Variants in DAXX observed in about 807,000 individuals in gnomAD.
DAXX encodes death domain associated protein.
In DAXX, 24 loss-of-function variants were observed where a neutral mutation model predicts 61.9. The observed-to-expected ratio is 0.39, with a 90% CI of 0.28 to 0.55. The LOEUF is 0.55. Ranked by LOEUF, DAXX falls within the 20% of genes least tolerant of loss-of-function variation. The pLI is 0.69. For synonymous variants in DAXX, 357 were observed against 369.5 expected (o/e 0.97, Z 0.39); for missense variants, 819 against 935.3 (o/e 0.88, Z 1.62).
Position 33,321,198 on chromosome 6 carries a change from G to T in DAXX, c.577C>A (p.Gln193Lys). The T allele has an allele frequency of 6.2e-7, 1 of 1,612,692 alleles. No individual in the cohort carries two copies. Among genetic ancestry groups the T allele is most frequent in the Non-Finnish European group, 8.5e-7 (1 of 1,178,662 alleles). Residue 193 changes from glutamine to lysine, a missense_variant, in exon 3 of 8, where the codon CAG (glutamine) becomes AAG (lysine). By Grantham distance (53) the Gln-to-Lys change is moderately conservative. Transcript: ENST00000374542. The surrounding 1 kb of genome is among the most constrained non-coding windows in gnomAD (Gnocchi z 7.2). The part of the protein sequence containing the change: ...GSRRQIQRLE[Q>K]LLALYVAEIR... ...TCTGCCACATAGAGCGCCAGCAGCTGCTCCAAACGCTGGATCTGCCGCCGG... is the reference window on the plus strand; with the variant it reads ...TCTGCCACATAGAGCGCCAGCAGCTTCTCCAAACGCTGGATCTGCCGCCGG...
rs371700406 is a variant in DAXX, at chr6:33,322,939, T to A, written c.-130A>T. ...TGGTTCCCTCCGCCTTCCTTCCCAC[T>A]CCCACCGCAGGCCCCACTACGGACC... On this transcript the variant is annotated 5_prime_UTR_variant, in exon 1 of 8. Transcript: ENST00000374542. 332 of 1,358,444 alleles carry A rather than the reference T, an allele frequency of 2.4e-4. No homozygotes were observed. The African/African-American group carries it at 4.6e-3, about 19-fold the overall frequency. The allele number at this position is 1,358,444 out of a possible 1,614,324, so 84.1% of individuals were successfully genotyped here. A position where few individuals can be genotyped will look rare whatever the true frequency, so the allele number is the denominator to read the frequency against.
At position 33,319,840 on chromosome 6, in the gene DAXX, T is replaced by G. The variant is rs1254229931; in HGVS notation, c.1480A>C (p.Lys494Gln). 1.2e-6 allele frequency: 2 copies of G among 1,608,018 alleles called. No individual in the cohort carries two copies. Among genetic ancestry groups the G allele is most frequent in the East Asian group, 2.2e-5 (1 of 44,808 alleles). Residue 494 changes from lysine to glutamine, a missense_variant, in exon 6 of 8, where the codon AAG (lysine) becomes CAG (glutamine). Physicochemically the swap from Lys to Gln is moderately conservative, Grantham distance 53 (BLOSUM62 1). Transcript: ENST00000374542. ...ATCTGTAGTGAGGACATGGGGCTCT[T>G]GTCTCCATCTTTACCTGGAAAAGAA... is the stretch of plus-strand genomic sequence containing the variant. ...EEAAAGKDGD[K>Q]SPMSSLQISN...
Position 33,320,033 on chromosome 6 carries a change from G to A in DAXX, c.1443C>T (p.Asp481=), listed in dbSNP as rs370615019. ...TACCTGCTGCTGCTTCTTCCTCTTC[G>A]TCCTCCTCTTCATCATCCTCCTGAC... The part of the protein sequence containing the change: ...QEGQEDDEEE[D]EEEEAAAGKD... Residue 481 remains aspartate, a synonymous_variant, in exon 5 of 8, where the codon GAC becomes GAT. Transcript: ENST00000374542. The surrounding 1 kb of genome is among the most constrained non-coding windows in gnomAD (Gnocchi z 7.1). 315 of 1,613,282 alleles carry A rather than the reference G, an allele frequency of 2.0e-4. 1 individual carries two copies. Among genetic ancestry groups the A allele is most frequent in the Non-Finnish European group, 2.4e-4 (286 of 1,179,634 alleles).
In DAXX at chr6:33,320,337, G is replaced by C. The variant is rs372317259; in HGVS notation, c.1251+43C>G. 1.3e-6 allele frequency: 2 copies of C among 1,495,108 alleles called. No individual in the cohort carries two copies. Among genetic ancestry groups the C allele is most frequent in the Non-Finnish European group, 1.9e-6 (2 of 1,071,304 alleles). 92.6% of individuals were successfully genotyped at this position (1,495,108 alleles called of 1,614,324 possible). A position where few individuals can be genotyped will look rare whatever the true frequency, so the allele number is the denominator to read the frequency against. ...CCTGGACTCCCTGGTGGCCAGTGCA[G>C]GGGAAGGACAATGTCTCTCTGAAGG... On this transcript the variant is annotated intron_variant, in intron 4 of 7. Transcript: ENST00000374542. The surrounding 1 kb of genome is among the most constrained non-coding windows in gnomAD (Gnocchi z 7.1).
Position 33,320,952 on chromosome 6 carries a change from T to A in DAXX, c.823A>T (p.Ile275Phe). The A allele has an allele frequency of 6.2e-7, 1 of 1,614,122 alleles. No individual in the cohort carries two copies. Among genetic ancestry groups the A allele is most frequent in the South Asian group, 1.1e-5 (1 of 91,088 alleles). The change falls in exon 3 of 8, where the codon ATC (isoleucine) becomes TTC (phenylalanine). Residue 275 changes from isoleucine to phenylalanine, a missense_variant. Ile to Phe is a conservative substitution (Grantham distance 21). Transcript: ENST00000374542. The surrounding 1 kb of genome is among the most constrained non-coding windows in gnomAD (Gnocchi z 7.1). The stretch of plus-strand genomic sequence containing the variant: ...AAGGTATCAGGCCCTGGCTTGTTGA[T>A]GAGCCGCTCAATGCGCCTGTTAACC... ...PEVNRRIERL[I>F]NKPGPDTFPD...
At position 33,321,695 on chromosome 6, in the gene DAXX, A is replaced by T; in HGVS notation, c.207+24T>A. The T allele has an allele frequency of 6.2e-7, 1 of 1,611,272 alleles. No homozygotes were observed. Among genetic ancestry groups the T allele is most frequent in the Non-Finnish European group, 8.5e-7 (1 of 1,178,714 alleles). ...CAGCCATCCCCCTCCCTGGGGTACA[A>T]CAATCTTCCCCGCTAAAGCTCACCT... On this transcript the variant is annotated intron_variant, in intron 2 of 7. Transcript: ENST00000374542. The surrounding 1 kb of genome is among the most constrained non-coding windows in gnomAD (Gnocchi z 7.2).
rs780997722 is a variant in DAXX at position 33,320,696 on chromosome 6, CATA to C, written c.1039+37_1039+39del. 9.9e-6 allele frequency: 16 copies of C among 1,609,006 alleles called. No homozygotes were observed. The Admixed American group carries it at 2.5e-4, about 25-fold the overall frequency. On this transcript the variant is annotated intron_variant, in intron 3 of 7. Coordinates refer to ENST00000374542, the MANE Select transcript of DAXX (RefSeq NM_001141969.2). The surrounding 1 kb of genome is among the most constrained non-coding windows in gnomAD (Gnocchi z 7.1). ...GATGCCCCATCCGCCTCATACCTGA[CATA>C]TAAGGGTCACTGAGAGGCATCCCAC...
In DAXX at chr6:33,321,462, A is replaced by C. The variant is rs2150997975; in HGVS notation, c.313T>G (p.Phe105Val). Residue 105 changes from phenylalanine (F) to valine (V), a missense_variant, in exon 3 of 8, where the codon TTC becomes GTC. Transcript: ENST00000374542. This position sits in a 1 kb window ranked among gnomAD's most constrained non-coding sequence, Gnocchi z 7.2. The part of the protein sequence containing the change: ...AHSLFLASAE[F>V]CNILSRVLSR... The stretch of plus-strand genomic sequence containing the variant: ...AGGACCCTAGAGAGGATGTTGCAGA[A>C]CTCCGCCGAGGCCAAAAACAGAGAG... 6.2e-7 allele frequency: 1 copy of C among 1,613,868 alleles called. No homozygotes were observed. Among genetic ancestry groups the C allele is most frequent in the Non-Finnish European group, 8.5e-7 (1 of 1,179,920 alleles).
In DAXX at chr6:33,320,665, T is replaced by A; in HGVS notation, c.1039+71A>T. 1.9e-6 allele frequency: 3 copies of A among 1,604,144 alleles called. No individual in the cohort carries two copies. Among genetic ancestry groups the A allele is most frequent in the Non-Finnish European group, 2.6e-6 (3 of 1,174,076 alleles). On this transcript the variant is annotated intron_variant, in intron 3 of 7. Transcript: ENST00000374542. This position sits in a 1 kb window ranked among gnomAD's most constrained non-coding sequence, Gnocchi z 7.1. ...GAAGAGTAAAAACCCTAGAAAGGAC[T>A]AGAGAGATGCCCCATCCGCCTCATA...
chr6:33,320,977 C>A lies in DAXX; in HGVS notation c.798G>T (p.Glu266Asp). Reference protein sequence around the residue: ...RIPYRGTRYPEVNRRIERLIN... With the variant: ...RIPYRGTRYPDVNRRIERLIN... ...TGAGCCGCTCAATGCGCCTGTTAAC[C>A]TCTGGGTAGCGGGTGCCACGGTAGG... The change falls in exon 3 of 8, where the codon GAG becomes GAT. Residue 266 changes from glutamate to aspartate, a missense_variant. By Grantham distance (45) the Glu-to-Asp change is conservative. Coordinates refer to ENST00000374542, the MANE Select transcript of DAXX (RefSeq NM_001141969.2). This position sits in a 1 kb window ranked among gnomAD's most constrained non-coding sequence, Gnocchi z 7.1. 2 of 1,614,036 alleles carry A rather than the reference C, an allele frequency of 1.2e-6. No individual in the cohort carries two copies. The highest frequency in any genetic ancestry group is 8.5e-7 in the Non-Finnish European group (1 of 1,179,898).
rs555196429 is a variant in DAXX at position 33,321,422 on chromosome 6, C to G, written c.353G>C (p.Ser118Thr). ...GTAGACATAGAGCTTGGCTGGCCGG[C>G]TCCGGGCCCGAGACAGGACCCTAGA... ...ILSRVLSRAR[S>T]RPAKLYVYIN... Residue 118 changes from serine (S) to threonine (T), a missense_variant, in exon 3 of 8, where the codon AGC (serine) becomes ACC (threonine). By Grantham distance (58) the Ser-to-Thr change is moderately conservative (BLOSUM62 1). Coordinates refer to ENST00000374542, the MANE Select transcript of DAXX (RefSeq NM_001141969.2). This position sits in a 1 kb window ranked among gnomAD's most constrained non-coding sequence, Gnocchi z 7.2. 4.3e-6 allele frequency: 7 copies of G among 1,613,974 alleles called. No homozygotes were observed. The African/African-American group carries it at 9.3e-5, about 22-fold the overall frequency.
rs781591259 is a variant in DAXX, at chr6:33,319,498, C to T, written c.1822G>A (p.Val608Ile). The change falls in exon 6 of 8, where the codon GTC (valine) becomes ATC (isoleucine). Residue 608 changes from valine (V) to isoleucine (I), a missense_variant. Coordinates refer to ENST00000374542, the MANE Select transcript of DAXX (RefSeq NM_001141969.2). The stretch of plus-strand genomic sequence containing the variant: ...CCTCCATTGAAGGAAGTAGAAGAGA[C>T]CATGCCTGCTCCATTCTCTAAGACA... ...TTVLENGAGMVSSTSFNGGVS... is the reference protein window; with the variant it reads ...TTVLENGAGMISSTSFNGGVS... 1.2e-6 allele frequency: 2 copies of T among 1,614,086 alleles called. No individual in the cohort carries two copies. The highest frequency in any genetic ancestry group is 1.7e-6 in the Non-Finnish European group (2 of 1,179,998).
In DAXX at chr6:33,322,911, G is replaced by A. The variant is rs898323977; in HGVS notation, c.-102C>T. ...CCCTCGCCGCAATTCTCAGAACCTC[G>A]CATGGTTCCCTCCGCCTTCCTTCCC... On this transcript the variant is annotated 5_prime_UTR_variant, in exon 1 of 8. It introduces an in-frame stop codon into an upstream open reading frame of the 5' UTR. Transcript: ENST00000374542. The A allele has an allele frequency of 5.6e-6, 8 of 1,427,226 alleles. No individual in the cohort carries two copies. Among genetic ancestry groups the A allele is most frequent in the East Asian group, 3.1e-5 (1 of 32,414 alleles). The allele number at this position is 1,427,226 out of a possible 1,614,324, so 88.4% of individuals were successfully genotyped here.
At position 33,320,235 on chromosome 6, in the gene DAXX, A is replaced by C; in HGVS notation, c.1252-11T>G. On this transcript the variant is annotated splice_polypyrimidine_tract_variant and intron_variant, in intron 4 of 7. Transcript: ENST00000374542. This position sits in a 1 kb window ranked among gnomAD's most constrained non-coding sequence, Gnocchi z 7.1. Reference sequence around the variant, plus strand: ...CATTCCACTAGGGCCCTGGGAGACAAAGAAGTTTCTCTAAGGAATCCCTTG... The same window carrying C: ...CATTCCACTAGGGCCCTGGGAGACACAGAAGTTTCTCTAAGGAATCCCTTG... 6.3e-7 allele frequency: 1 copy of C among 1,596,234 alleles called. No homozygotes were observed. The highest frequency in any genetic ancestry group is 8.6e-7 in the Non-Finnish European group (1 of 1,163,960).
In DAXX at chr6:33,320,237, GAA is replaced by G. The variant is rs968038313; in HGVS notation, c.1252-15_1252-14del. 6.9e-6 allele frequency: 11 copies of G among 1,593,142 alleles called. No individual in the cohort carries two copies. In the Admixed American group the frequency reaches 1.2e-4, roughly 17 times the overall value. On this transcript the variant is annotated splice_polypyrimidine_tract_variant and intron_variant, in intron 4 of 7. Coordinates refer to ENST00000374542, the MANE Select transcript of DAXX (RefSeq NM_001141969.2). This position sits in a 1 kb window ranked among gnomAD's most constrained non-coding sequence, Gnocchi z 7.1. ...TTCCACTAGGGCCCTGGGAGACAAA[GAA>G]GTTTCTCTAAGGAATCCCTTGCCCC...
Position 33,320,811 on chromosome 6 carries a change from T to C in DAXX, c.964A>G (p.Ile322Val). The C allele has an allele frequency of 9.9e-6, 16 of 1,614,194 alleles. No homozygotes were observed. The highest frequency in any genetic ancestry group is 1.4e-5 in the Non-Finnish European group (16 of 1,180,036). ...AGGTGACGTCGCTCCTGTAACCTGA[T>C]GCCCACATCTCGGAAGGCATCCTGA... ...MAQDAFRDVG[I>V]RLQERRHLDL... is the part of the protein sequence containing the mutation. The change falls in exon 3 of 8, where the codon ATC becomes GTC. Residue 322 changes from isoleucine to valine, a missense_variant. Ile to Val is a conservative substitution (Grantham distance 29). Transcript: ENST00000374542. The surrounding 1 kb of genome is among the most constrained non-coding windows in gnomAD (Gnocchi z 7.1).
At chr6:33,319,256 G>A (rs1770215088) in intron 6 of DAXX, 37 bp from the exon 7 acceptor site, 2 of 1,570,996 alleles carry the variant, frequency 1.3e-6, no homozygotes, top group African/African-American at 1.3e-5. Context: ...AGGGGTACGG[G>A]AAGACTGAGG....
In DAXX at chr6:33,321,987, G is replaced by C; in HGVS notation, c.-52-10C>G. 6.4e-7 allele frequency: 1 copy of C among 1,552,240 alleles called. No individual in the cohort carries two copies. Among genetic ancestry groups the C allele is most frequent in the Non-Finnish European group, 8.7e-7 (1 of 1,150,814 alleles). ...GATTTCAGAATTCCTGCTGGAAGGG[G>C]ATGGGGCCTCAGAATGAGCCCCTCC... On this transcript the variant is annotated splice_polypyrimidine_tract_variant and intron_variant, in intron 1 of 7. Coordinates refer to ENST00000374542, the MANE Select transcript of DAXX (RefSeq NM_001141969.2). The surrounding 1 kb of genome is among the most constrained non-coding windows in gnomAD (Gnocchi z 7.2).
At position 33,322,866 on chromosome 6, in the gene DAXX, G is replaced by A. The variant is rs1770808518; in HGVS notation, c.-57C>T. ...CCCGCACCGTCCGGCCCCCACCTCAGAAACCGTCTCTCGAGGCGACCCTCG... is the reference window on the plus strand; with the variant it reads ...CCCGCACCGTCCGGCCCCCACCTCAAAAACCGTCTCTCGAGGCGACCCTCG... On this transcript the variant is annotated 5_prime_UTR_variant, in exon 1 of 8. Coordinates refer to ENST00000374542, the MANE Select transcript of DAXX (RefSeq NM_001141969.2). 5 of 1,304,836 alleles carry A rather than the reference G, an allele frequency of 3.8e-6. No homozygotes were observed. The highest frequency in any genetic ancestry group is 3.5e-5 in the South Asian group (3 of 85,592). 80.8% of individuals were successfully genotyped at this position (1,304,836 alleles called of 1,614,324 possible). A position where few individuals can be genotyped will look rare whatever the true frequency, so the allele number is the denominator to read the frequency against.
Sources: gnomAD v4.1 joint callset for allele counts on GRCh38, gnomAD v4.1.1 for gene constraint, Gnocchi (gnomAD v3.1) non-coding constraint, MANE v1.5 for transcripts, NCBI Gene and HGNC (gene_info 2026-07-23, HGNC 2026-07-21) for gene names.